Variants in LDLRAD3 observed in about 807,000 individuals in gnomAD.
The protein encoded by LDLRAD3 is low-density lipoprotein receptor class A domain-containing protein 3.
A neutral mutation model predicts 29.4 loss-of-function variants in LDLRAD3; 20 were observed. That is an observed-to-expected ratio of 0.68 (90% CI 0.48 to 0.99). The LOEUF is 0.99. LDLRAD3 is among the 50% of genes least tolerant of loss of function. The pLI, the probability that LDLRAD3 is intolerant of heterozygous loss-of-function variation, is 0.00. For missense variants in LDLRAD3, 420 were observed against 454.3 expected (o/e 0.92, Z 0.69); for synonymous variants, 157 against 192.7 (o/e 0.81, Z 1.53).
At chr11:36,083,419 C>G (rs1391813800) in intron 3 of LDLRAD3, among the ~76,000 whole-genome samples, 1 of 152,014 alleles carries the variant, frequency 6.6e-6, no homozygotes, top group Non-Finnish European at 1.5e-5. Context: ...GAAAGCAAAA[C>G]TGCCCATATC....
chr11:36,192,815 G>A (rs191599119), intron 4 of LDLRAD3, among the ~76,000 whole-genome samples: 154 of 152,186 alleles, frequency 1.0e-3, no homozygotes, highest in African/African-American at 3.5e-3. Flanking sequence ...CTTGCTCCCC[G>A]GCCAAACCAG....
chr11:36,037,455 C>CATGT (rs753498659), intron 2 of LDLRAD3, among the ~76,000 whole-genome samples: 102 of 152,132 alleles, frequency 6.7e-4, no homozygotes, highest in Non-Finnish European at 1.3e-3. Flanking sequence ...AGCTGGAGTA[C>CATGT]AGGCACCCAC....
intron 4 of LDLRAD3, among the ~76,000 whole-genome samples, chr11:36,099,296 C>T (rs779772950): frequency 2.0e-5 from 3 of 151,670 alleles, no homozygotes; most frequent in Non-Finnish European, 4.4e-5. Flanking sequence ...CATTTCTTTA[C>T]TCATGGACTC....
chr11:36,019,365 C>T (rs969733514), intron 1 of LDLRAD3, among the ~76,000 whole-genome samples: 1 of 152,188 alleles, frequency 6.6e-6, no homozygotes, highest in African/African-American at 2.4e-5. Context: ...TGCTGGCACT[C>T]TGGTTCATTA....
At chr11:36,197,593 T>G (rs1855053351) in intron 4 of LDLRAD3, 1 of 152,494 alleles carries the variant, frequency 6.6e-6, no homozygotes, top group African/African-American at 2.4e-5. Context: ...CTGCCATTTC[T>G]GCTCCTGCTG....
intron 4 of LDLRAD3, among the ~76,000 whole-genome samples, chr11:36,143,433 T>C (rs1056139864): frequency 6.6e-6 from 1 of 152,190 alleles, no homozygotes; most frequent in Non-Finnish European, 1.5e-5. Context: ...CGGACCTTCT[T>C]CCAAAAATAG....
intron 1 of LDLRAD3, among the ~76,000 whole-genome samples, chr11:35,955,136 T>G (rs1275486400): frequency 6.6e-6 from 1 of 152,114 alleles, no homozygotes; most frequent in African/African-American, 2.4e-5. Flanking sequence ...TCCCAGCTAC[T>G]CGGGAGGCCG....
intron 4 of LDLRAD3, among the ~76,000 whole-genome samples, chr11:36,169,926 G>C (rs1236377123): frequency 2.0e-5 from 3 of 152,040 alleles, no homozygotes. Flanking sequence ...CCATGGATAA[G>C]TTCTTTAGCG....
chr11:35,957,384 T>C lies in LDLRAD3; in HGVS notation c.46+13240T>C, dbSNP rs143014591. On this transcript the variant is annotated intron_variant, in intron 1 of 5. Coordinates refer to ENST00000315571, the MANE Select transcript of LDLRAD3 (RefSeq NM_174902.4). ...TGACCCACCCAAGCCAGCAACATGC[T>C]GCCTCACAGCTTATATCCTTGTCTA... 5.3e-3 allele frequency among the ~76,000 whole-genome samples: 813 copies of C among 152,360 alleles called. 5 individuals carry two copies. Among genetic ancestry groups the C allele is most frequent in the Non-Finnish European group, 9.5e-3 (643 of 68,034 alleles).
At chr11:36,156,701 G>A (rs751349085) in intron 4 of LDLRAD3, among the ~76,000 whole-genome samples, 22 of 152,086 alleles carry the variant, frequency 1.4e-4, no homozygotes, top group Non-Finnish European at 3.2e-4. Context: ...CCTCCTCATG[G>A]CACCCACCCA....
At chr11:35,986,143 C>T (rs753725425) in intron 1 of LDLRAD3, among the ~76,000 whole-genome samples, 1 of 151,986 alleles carries the variant, frequency 6.6e-6, no homozygotes, top group Non-Finnish European at 1.5e-5. Flanking sequence ...TTAGGGGCCA[C>T]AAAAATAAGA....
Position 36,124,602 on chromosome 11 carries a change from AC to A in LDLRAD3, c.454+26142del, listed in dbSNP as rs766994094. On this transcript the variant is annotated intron_variant, in intron 4 of 5. Coordinates refer to ENST00000315571, the MANE Select transcript of LDLRAD3 (RefSeq NM_174902.4). ...AAATCTGAACCCTTTACCACAGACT[AC>A]ATACCCTGTATGTTCTAACTGGTCT... Among the ~76,000 whole-genome samples, 3 of 151,982 alleles carry A rather than the reference AC, an allele frequency of 2.0e-5. No individual in the cohort carries two copies. In the East Asian group the frequency reaches 5.8e-4, roughly 29 times the overall value.
chr11:35,981,772 A>C (rs748907231), intron 1 of LDLRAD3, among the ~76,000 whole-genome samples: 11 of 152,174 alleles, frequency 7.2e-5, no homozygotes, highest in Admixed American at 1.3e-4. Flanking sequence ...TTAGCTTTCG[A>C]CAGGAACCAG....
At chr11:36,079,404 G>A (rs957952306) in intron 2 of LDLRAD3, among the ~76,000 whole-genome samples, 3 of 152,170 alleles carry the variant, frequency 2.0e-5, no homozygotes, top group Non-Finnish European at 4.4e-5. Context: ...ATGATAAATA[G>A]CATAAGCATT....
chr11:36,011,326 A>G (rs943735223), intron 1 of LDLRAD3, among the ~76,000 whole-genome samples: 24 of 152,208 alleles, frequency 1.6e-4, no homozygotes, highest in African/African-American at 4.1e-4. Flanking sequence ...TGAATGAATC[A>G]GTTAGTTGAA....
intron 4 of LDLRAD3, among the ~76,000 whole-genome samples, chr11:36,188,286 ACATTTACCTCTGTTTCCTTC>A (rs1398076673): frequency 6.6e-6 from 1 of 150,696 alleles, no homozygotes; most frequent in Non-Finnish European, 1.5e-5. Context: ...TTGAATACTC[ACATTTACCTCTGTTTCCTTC>A]CTCTAAAAGA....
chr11:36,131,812 A>G (rs888856235), intron 4 of LDLRAD3, among the ~76,000 whole-genome samples: 2 of 152,216 alleles, frequency 1.3e-5, no homozygotes, highest in Non-Finnish European at 2.9e-5. Context: ...TATAGTCTAT[A>G]TCACACATCT....
chr11:36,136,929 G>C (rs1373482733), intron 4 of LDLRAD3, among the ~76,000 whole-genome samples: 1 of 152,110 alleles, frequency 6.6e-6, no homozygotes. Context: ...GGCCTCGAGT[G>C]ATCCACCTGC....
At chr11:36,108,113 G>A (rs761130988) in intron 4 of LDLRAD3, among the ~76,000 whole-genome samples, 3 of 151,798 alleles carry the variant, frequency 2.0e-5, no homozygotes, top group East Asian at 1.9e-4. Flanking sequence ...GATCAAGATC[G>A]AGACCATCCC....
Sources: allele counts gnomAD v4.1 joint callset (sites outside exome capture counted in the v4.1 genomes callset), GRCh38; gene constraint gnomAD v4.1.1; transcripts MANE v1.5; gene names NCBI Gene and HGNC (gene_info 2026-07-23, HGNC 2026-07-21).